The following ENTHD1 variants were observed in gnomAD, a reference collection of about 807,000 sequenced individuals.
ENTHD1 encodes ENTH domain containing 1, also known as ENTH domain-containing protein 1.
A neutral mutation model predicts 39.1 loss-of-function variants in ENTHD1; 23 were observed. The ratio of observed to expected loss-of-function variants is 0.59; its 90% CI spans 0.42 to 0.83. The LOEUF (loss-of-function observed/expected upper bound fraction) is 0.83. Ranked by LOEUF, ENTHD1 falls within the 40% of genes least tolerant of loss-of-function variation. The pLI is 0.00. For synonymous variants in ENTHD1, 230 were observed against 258.2 expected, an observed-to-expected ratio of 0.89 and a Z score of 1.05; for missense variants, 624 against 705.4, an observed-to-expected ratio of 0.88 and a Z score of 1.31.
At position 39,794,436 on chromosome 22, in the gene ENTHD1, G is replaced by T. The variant is rs192044198; in HGVS notation, c.832+26557C>A. Among the ~76,000 whole-genome samples the T allele has an allele frequency of 1.9e-3, 289 of 152,222 alleles. 3 individuals are homozygous for T. Among genetic ancestry groups the T allele is most frequent in the Non-Finnish European group, 6.2e-4 (42 of 68,000 alleles). On this transcript the variant is annotated intron_variant, in intron 5 of 6. Coordinates refer to ENST00000325157, the MANE Select transcript of ENTHD1 (RefSeq NM_152512.4). ...ATTTTACTTCTTTTCCAATTTGGAT[G>T]CCTTTTCTTTCTTTCTTTTGGTTGA...
intron 2 of ENTHD1, among the ~76,000 whole-genome samples, chr22:39,885,525 C>T (rs891325938): frequency 2.6e-5 from 4 of 152,074 alleles, no homozygotes; most frequent in African/African-American, 9.7e-5. Flanking sequence ...AACCGAAAGC[C>T]AGAACTTGAT....
chr22:39,828,147 T>C (rs1404210464), intron 4 of ENTHD1, among the ~76,000 whole-genome samples: 1 of 152,178 alleles, frequency 6.6e-6, no homozygotes, highest in Non-Finnish European at 1.5e-5. Flanking sequence ...GTAAAAGAAA[T>C]GTGTAGACAC....
Position 39,743,581 on chromosome 22 carries a change from C to A in ENTHD1, c.*98G>T. 4 of 1,333,476 alleles carry A rather than the reference C, an allele frequency of 3.0e-6. No individual in the cohort carries two copies. Among genetic ancestry groups the A allele is most frequent in the Non-Finnish European group, 3.9e-6 (4 of 1,014,824 alleles). The allele number at this position is 1,333,476 out of a possible 1,614,324, so 82.6% of individuals were successfully genotyped here. A position where few individuals can be genotyped will look rare whatever the true frequency, so the allele number is the denominator to read the frequency against. ...CCTGACAAGGAAAAATTAAACCATC[C>A]CCTTTTTTGCCATAATAATATGAAT... On this transcript the variant is annotated 3_prime_UTR_variant, in exon 7 of 7. Transcript: ENST00000325157.
At chr22:39,822,842 G>C (rs1200668117) in intron 4 of ENTHD1, among the ~76,000 whole-genome samples, 4 of 152,098 alleles carry the variant, frequency 2.6e-5, no homozygotes, top group Non-Finnish European at 5.9e-5. Flanking sequence ...ACTCAACTTT[G>C]AGCTCATTTT....
At chr22:39,800,269 C>A (rs1292450590) in intron 5 of ENTHD1, among the ~76,000 whole-genome samples, 1 of 152,206 alleles carries the variant, frequency 6.6e-6, no homozygotes, top group Non-Finnish European at 1.5e-5. Context: ...CCTGTCATTT[C>A]TCTGTTAAAT....
At chr22:39,828,980 CTACTTACAT>C (rs1032165348) in intron 4 of ENTHD1, among the ~76,000 whole-genome samples, 5 of 152,094 alleles carry the variant, frequency 3.3e-5, no homozygotes, top group Admixed American at 2.6e-4. Flanking sequence ...AAAGAGGTTT[CTACTTACAT>C]TTTTAAGAGA....
intron 5 of ENTHD1, among the ~76,000 whole-genome samples, chr22:39,801,412 C>A (rs1569146162): frequency 6.6e-6 from 1 of 152,244 alleles, no homozygotes; most frequent in Non-Finnish European, 1.5e-5. Flanking sequence ...CTGCAAAACT[C>A]TCTAAGGCAC....
chr22:39,785,756 G>A (rs556761868), intron 5 of ENTHD1, among the ~76,000 whole-genome samples: 3 of 152,006 alleles, frequency 2.0e-5, no homozygotes, highest in Non-Finnish European at 4.4e-5. Flanking sequence ...TTTAATCTTC[G>A]CATCTAGCAC....
intron 3 of ENTHD1, among the ~76,000 whole-genome samples, chr22:39,853,545 C>G (rs1329259033): frequency 6.6e-6 from 1 of 151,584 alleles, no homozygotes; most frequent in Non-Finnish European, 1.5e-5. Context: ...CAAACAACAA[C>G]AAAAAAAACC....
At chr22:39,859,724 T>C (rs1056477957) in intron 3 of ENTHD1, among the ~76,000 whole-genome samples, 2 of 152,050 alleles carry the variant, frequency 1.3e-5, no homozygotes, top group African/African-American at 2.4e-5. Flanking sequence ...TAGATCACCA[T>C]GACACATATA....
intron 5 of ENTHD1, among the ~76,000 whole-genome samples, chr22:39,808,686 T>G (rs942250109): frequency 6.6e-6 from 1 of 152,198 alleles, no homozygotes. Flanking sequence ...AATTCATAAA[T>G]AGTTCAAAAG....
At position 39,887,578 on chromosome 22, in the gene ENTHD1, C is replaced by A. The variant is rs867305374; in HGVS notation, c.171G>T (p.Leu57=). ...TCCCATGGTCATTGAGTCTGTGCCACAGCATATTCATAATCTCTGAGAGAG... is the reference window on the plus strand; with the variant it reads ...TCCCATGGTCATTGAGTCTGTGCCAAAGCATATTCATAATCTCTGAGAGAG... ...TISLSEIMNM[L]WHRLNDHGKN... The change falls in exon 2 of 7, where the codon CTG becomes CTT. Residue 57 remains leucine, a synonymous_variant. Coordinates refer to ENST00000325157, the MANE Select transcript of ENTHD1 (RefSeq NM_152512.4). The A allele has an allele frequency of 3.7e-6, 6 of 1,614,178 alleles. No individual in the cohort carries two copies. The highest frequency in any genetic ancestry group is 2.7e-5 in the African/African-American group (2 of 75,044).
chr22:39,745,609 A>G (rs890969576), intron 6 of ENTHD1, among the ~76,000 whole-genome samples: 32 of 152,236 alleles, frequency 2.1e-4, no homozygotes, highest in African/African-American at 7.7e-4. Context: ...CTTCATCAGC[A>G]CATGGTCAAG....
At position 39,791,194 on chromosome 22, in the gene ENTHD1, G is replaced by A. The variant is rs144683990; in HGVS notation, c.833-25585C>T. On this transcript the variant is annotated intron_variant, in intron 5 of 6. Transcript: ENST00000325157. Reference sequence around the variant, plus strand: ...TATTATATATATATATAATTTTAAAGATATAAAGTCTAATATCTTTAGACT... The same window carrying A: ...TATTATATATATATATAATTTTAAAAATATAAAGTCTAATATCTTTAGACT... 5.7e-3 allele frequency among the ~76,000 whole-genome samples: 846 copies of A among 147,334 alleles called. 4 individuals are homozygous for A. The highest frequency in any genetic ancestry group is 9.6e-3 in the Non-Finnish European group (641 of 66,968).
rs1441584123 is a variant in ENTHD1, at chr22:39,804,168, AAAAG to A, written c.832+16821_832+16824del. Among the ~76,000 whole-genome samples, 9 of 151,770 alleles carry A rather than the reference AAAAG, an allele frequency of 5.9e-5. No homozygotes were observed. The South Asian group carries it at 1.9e-3, about 32-fold the overall frequency. On this transcript the variant is annotated intron_variant, in intron 5 of 6. Coordinates refer to ENST00000325157, the MANE Select transcript of ENTHD1 (RefSeq NM_152512.4). The stretch of plus-strand genomic sequence containing the variant: ...GACAAAGCAAAACTCTGTCTCAAAA[AAAAG>A]AAAAGAAAAAGAAAAACAAAACAAA...
chr22:39,828,079 T>C (rs1042320734), intron 4 of ENTHD1, among the ~76,000 whole-genome samples: 5 of 152,230 alleles, frequency 3.3e-5, no homozygotes, highest in African/African-American at 1.2e-4. Context: ...ATGTCCATGA[T>C]ATATTGTTCA....
rs146403562 is a variant in ENTHD1 at position 39,774,618 on chromosome 22, A to G, written c.833-9009T>C. On this transcript the variant is annotated intron_variant, in intron 5 of 6. Coordinates refer to ENST00000325157, the MANE Select transcript of ENTHD1 (RefSeq NM_152512.4). Reference sequence around the variant, plus strand: ...ACAGCCCAGCCAGAGTGACCTTTCTAAAATGAAAGTTAGATGTTATTTCTC... The same window carrying G: ...ACAGCCCAGCCAGAGTGACCTTTCTGAAATGAAAGTTAGATGTTATTTCTC... 2.0e-5 allele frequency among the ~76,000 whole-genome samples: 3 copies of G among 152,272 alleles called. No homozygotes were observed. In the East Asian group the frequency reaches 5.8e-4, roughly 29 times the overall value.
chr22:39,865,249 C>T (rs1320784793), intron 2 of ENTHD1, among the ~76,000 whole-genome samples: 1 of 152,010 alleles, frequency 6.6e-6, no homozygotes, highest in African/African-American at 2.4e-5. Context: ...AGAGCCCCTC[C>T]CTGAGGTAGG....
At chr22:39,859,644 T>G (rs890471260) in intron 3 of ENTHD1, among the ~76,000 whole-genome samples, 1 of 152,164 alleles carries the variant, frequency 6.6e-6, no homozygotes, top group East Asian at 1.9e-4. Flanking sequence ...GTAAGTTCAC[T>G]GGTCTTCTAC....
Sources: allele counts gnomAD v4.1 joint callset (sites outside exome capture counted in the v4.1 genomes callset), GRCh38; gene constraint gnomAD v4.1.1; transcripts MANE v1.5; gene names NCBI Gene and HGNC (gene_info 2026-07-23, HGNC 2026-07-21).